The following PSTPIP2 variants were observed in gnomAD, a reference collection of about 807,000 sequenced individuals.
PSTPIP2 encodes the protein proline-serine-threonine phosphatase-interacting protein 2.
A neutral mutation model predicts 63.3 loss-of-function variants in PSTPIP2; 33 were observed. The observed-to-expected ratio is 0.52, with a 90% CI of 0.40 to 0.70. PSTPIP2 has a LOEUF of 0.70. Ranked by LOEUF, PSTPIP2 falls within the 30% of genes least tolerant of loss-of-function variation. The pLI is 0.00. For missense variants in PSTPIP2, 312 were observed against 400.7 expected (o/e 0.78, Z 1.89); for synonymous variants, 125 against 132.7 (o/e 0.94, Z 0.40).
chr18:46,037,519 T>C (rs780045276), intron 2 of PSTPIP2, among the ~76,000 whole-genome samples: 22 of 152,184 alleles, frequency 1.4e-4, no homozygotes, highest in Non-Finnish European at 2.8e-4. Flanking sequence ...TCATATTAGA[T>C]GATGGCACAA....
intron 8 of PSTPIP2, 139 bp downstream of exon 8, chr18:45,998,653 CTT>C: frequency 1.2e-6 from 1 of 827,716 alleles, no homozygotes; most frequent in Non-Finnish European, 1.8e-6. Flanking sequence ...CCCTTTTTCC[CTT>C]CAGATATCTC....
chr18:46,006,360 C>CTTTTTTTTTTTTTTTTTTTTTTTTTT lies in PSTPIP2; in HGVS notation c.355-855_355-830dup, dbSNP rs756384731. On this transcript the variant is annotated intron_variant, in intron 5 of 14. Transcript: ENST00000409746. ...TGAGCCACCATGCCCAGCCCTGGTA[C>CTTTTTTTTTTTTTTTTTTTTTTTTTT]TTTTTTTTTTTTTTTTTTTTTTTTT... Among the ~76,000 whole-genome samples, 4 of 115,628 alleles carry CTTTTTTTTTTTTTTTTTTTTTTTTTT rather than the reference C, an allele frequency of 3.5e-5. 2 individuals are homozygous for CTTTTTTTTTTTTTTTTTTTTTTTTTT. The highest frequency in any genetic ancestry group is 7.4e-5 in the African/African-American group (2 of 27,084). The allele number at this position is 115,628 out of a possible 152,430, so 75.9% of individuals were successfully genotyped here.
At position 46,052,937 on chromosome 18, in the gene PSTPIP2, T is replaced by C. The variant is rs572890422; in HGVS notation, c.34-12890A>G. 2.0e-5 allele frequency among the ~76,000 whole-genome samples: 3 copies of C among 152,334 alleles called. No homozygotes were observed. In the South Asian group the frequency reaches 6.2e-4, roughly 32 times the overall value. On this transcript the variant is annotated intron_variant, in intron 1 of 14. Transcript: ENST00000409746. ...TTGGAGATCAATCATATCATTAATT[T>C]CCATCTTTTTACAAATGAAAAAACA... is the stretch of plus-strand genomic sequence containing the variant.
At chr18:46,023,281 C>G (rs1214114539) in intron 3 of PSTPIP2, among the ~76,000 whole-genome samples, 4 of 152,056 alleles carry the variant, frequency 2.6e-5, no homozygotes, top group Admixed American at 2.6e-4. Flanking sequence ...AGTTTTTTCG[C>G]CGGGCATGGT....
At chr18:46,042,477 T>C (rs1344490233) in intron 1 of PSTPIP2, among the ~76,000 whole-genome samples, 1 of 152,210 alleles carries the variant, frequency 6.6e-6, no homozygotes, top group Non-Finnish European at 1.5e-5. Flanking sequence ...TTTGCTATTA[T>C]GCCTGTGAAT....
In PSTPIP2 at chr18:46,015,922, G is replaced by C; in HGVS notation, c.228C>G (p.Ala76=). 1 of 1,612,008 alleles carries C rather than the reference G, an allele frequency of 6.2e-7. No individual in the cohort carries two copies. The highest frequency in any genetic ancestry group is 1.3e-5 in the African/African-American group (1 of 74,742). The change falls in exon 4 of 15, where the codon GCC becomes GCG. Residue 76 remains alanine, a synonymous_variant. Coordinates refer to ENST00000409746, the MANE Select transcript of PSTPIP2 (RefSeq NM_024430.4). ...ACTTACGCTGCTTGAAGACTTCAAG[G>C]GCCCGCTTCAGGGTGCTAAAAAAAA... is the stretch of plus-strand genomic sequence containing the variant. ...GQSEINTLKR[A]LEVFKQQVDN...
intron 2 of PSTPIP2, among the ~76,000 whole-genome samples, chr18:46,038,877 C>T (rs1908083014): frequency 6.6e-6 from 1 of 152,208 alleles, no homozygotes; most frequent in Non-Finnish European, 1.5e-5. Context: ...TGGCTCACAC[C>T]TGTAATCCCA....
intron 1 of PSTPIP2, among the ~76,000 whole-genome samples, chr18:46,066,319 C>T (rs1054073334): frequency 2.0e-5 from 3 of 152,002 alleles, no homozygotes; most frequent in African/African-American, 7.2e-5. Flanking sequence ...AGAGCAAGAC[C>T]CTGTCTCAAA....
chr18:45,987,278 G>C (rs909926847), intron 14 of PSTPIP2, among the ~76,000 whole-genome samples: 2 of 152,138 alleles, frequency 1.3e-5, no homozygotes, highest in African/African-American at 4.8e-5. Context: ...GGTATAGAAC[G>C]CTATAGAAAA....
chr18:46,065,848 C>T (rs963085585), intron 1 of PSTPIP2, among the ~76,000 whole-genome samples: 1 of 151,782 alleles, frequency 6.6e-6, no homozygotes, highest in African/African-American at 2.4e-5. Context: ...GTGATCCACC[C>T]GCCTTGGCCT....
intron 1 of PSTPIP2, among the ~76,000 whole-genome samples, chr18:46,063,077 G>A (rs532153641): frequency 8.5e-5 from 13 of 152,248 alleles, no homozygotes; most frequent in African/African-American, 1.7e-4. Flanking sequence ...ATCACGGCTC[G>A]CTGCAGCTTC....
intron 2 of PSTPIP2, chr18:46,028,348 CA>C: frequency 2.1e-6 from 1 of 482,566 alleles, no homozygotes. Flanking sequence ...CGAGCCGCCC[CA>C]AAAGGCTGCC....
chr18:46,011,589 G>T (rs2051797381), intron 4 of PSTPIP2, among the ~76,000 whole-genome samples: 1 of 152,192 alleles, frequency 6.6e-6, no homozygotes, highest in Non-Finnish European at 1.5e-5. Flanking sequence ...CATCCTAGGA[G>T]ACATTACCAA....
At chr18:46,026,251 T>G (rs1048012212) in intron 2 of PSTPIP2, among the ~76,000 whole-genome samples, 2 of 152,228 alleles carry the variant, frequency 1.3e-5, no homozygotes, top group African/African-American at 4.8e-5. Flanking sequence ...CTTTTAAAAT[T>G]GCTACCAGTG....
chr18:46,004,346 G>A (rs1009356656), intron 6 of PSTPIP2, among the ~76,000 whole-genome samples: 2 of 152,172 alleles, frequency 1.3e-5, no homozygotes, highest in African/African-American at 2.4e-5. Flanking sequence ...TCAAGATGGA[G>A]TCATATATGT....
At chr18:45,993,877 G>T in intron 9 of PSTPIP2, 174 bp from the exon 10 acceptor site, 1 of 605,318 alleles carries the variant, frequency 1.7e-6, no homozygotes, top group Non-Finnish European at 2.9e-6. Flanking sequence ...CACAAAGAAT[G>T]CAAACAAATC....
intron 1 of PSTPIP2, among the ~76,000 whole-genome samples, chr18:46,065,230 C>G: frequency 6.7e-6 from 1 of 150,144 alleles, no homozygotes; most frequent in East Asian, 1.9e-4. Flanking sequence ...ATAGTTGTAT[C>G]ACTCACAAAA....
At chr18:46,058,517 C>T (rs1366326916) in intron 1 of PSTPIP2, among the ~76,000 whole-genome samples, 1 of 151,984 alleles carries the variant, frequency 6.6e-6, no homozygotes, top group Non-Finnish European at 1.5e-5. Flanking sequence ...CCACCACACC[C>T]AGCTATTTAT....
chr18:45,993,895 C>T lies in PSTPIP2; in HGVS notation c.643-192G>A, dbSNP rs113781348. 1.1e-3 allele frequency: 611 copies of T among 572,346 alleles called. 7 individuals are homozygous for T. Among genetic ancestry groups the T allele is most frequent in the Middle Eastern group, 5.3e-3 (12 of 2,248 alleles). 35.5% of individuals were successfully genotyped at this position (572,346 alleles called of 1,614,324 possible). A position where few individuals can be genotyped will look rare whatever the true frequency, so the allele number is the denominator to read the frequency against. On this transcript the variant is annotated intron_variant, in intron 9 of 14. Transcript: ENST00000409746. The stretch of plus-strand genomic sequence containing the variant: ...AAAGAATGCAAACAAATCCTAATAT[C>T]ACAGTAACACAAACAGGCTTGGAAA...
Sources: gnomAD v4.1 joint callset for allele counts (sites outside exome capture counted in the v4.1 genomes callset) on GRCh38, gnomAD v4.1.1 for gene constraint, MANE v1.5 for transcripts, NCBI Gene and HGNC (gene_info 2026-07-23, HGNC 2026-07-21) for gene names.